Variants in USP50 observed in about 807,000 individuals in gnomAD.
USP50 encodes the protein ubiquitin specific peptidase 50, also known as ubiquitin carboxyl-terminal hydrolase 50.
In USP50, 37 loss-of-function variants were observed where a neutral mutation model predicts 39.2. The observed-to-expected ratio is 0.94, with a 90% CI of 0.73 to 1.24. The LOEUF (loss-of-function observed/expected upper bound fraction) is 1.24, where lower values mean the gene tolerates loss of function less well. USP50 is among the 50% of genes most tolerant of loss of function. USP50 has a pLI of 0.00. For synonymous variants in USP50, 139 were observed against 144.5 expected (o/e 0.96, Z 0.27); for missense variants, 374 against 398.2 (o/e 0.94, Z 0.52).
chr15:50,515,620 C>T (rs2052796024), intron 6 of USP50, among the ~76,000 whole-genome samples: 1 of 149,106 alleles, frequency 6.7e-6, no homozygotes, highest in South Asian at 2.1e-4. Context: ...GTTACTTTCT[C>T]AATTGTGATA....
At chr15:50,542,898 G>C (rs929359477) in intron 3 of USP50, among the ~76,000 whole-genome samples, 1 of 152,156 alleles carries the variant, frequency 6.6e-6, no homozygotes. Flanking sequence ...CTGGGTATTA[G>C]AGGTGCAGTG....
At chr15:50,493,971 G>T (rs372285761), downstream of USP50, 2 of 1,303,800 alleles carry the variant, frequency 1.5e-6, no homozygotes, top group African/African-American at 2.9e-5. Context: ...TAGTGCTACA[G>T]TATGTGAATA....
chr15:50,525,566 A>G (rs867090494), intron 6 of USP50, among the ~76,000 whole-genome samples: 33,646 of 122,032 alleles, frequency 0.28, 5,835 homozygotes, highest in East Asian at 0.54. Flanking sequence ...GTATATATGT[A>G]TATATGTATA....
downstream of USP50, chr15:50,499,140 T>C (rs1304362261): frequency 6.7e-7 from 1 of 1,498,580 alleles, no homozygotes; most frequent in Non-Finnish European, 8.9e-7. Flanking sequence ...GCAACACAAC[T>C]CTTGAAATGC....
chr15:50,534,801 G>T (rs2052966898), intron 5 of USP50, among the ~76,000 whole-genome samples: 1 of 152,104 alleles, frequency 6.6e-6, no homozygotes, highest in South Asian at 2.1e-4. Flanking sequence ...AGAAGACATA[G>T]AAATTATTAA....
intron 5 of USP50, among the ~76,000 whole-genome samples, chr15:50,536,133 A>G (rs1370717842): frequency 6.6e-6 from 1 of 152,214 alleles, no homozygotes; most frequent in African/African-American, 2.4e-5. Flanking sequence ...AGCTAATGCA[A>G]TAAGAAAGAC....
intron 6 of USP50, among the ~76,000 whole-genome samples, chr15:50,528,835 T>G (rs1032098280): frequency 6.6e-6 from 1 of 152,156 alleles, no homozygotes; most frequent in Non-Finnish European, 1.5e-5. Flanking sequence ...AAGAGGCAAA[T>G]TAGACTTCGG....
chr15:50,524,518 TCAA>T (rs763969709), intron 6 of USP50, among the ~76,000 whole-genome samples: 46 of 152,324 alleles, frequency 3.0e-4, no homozygotes, highest in Admixed American at 1.4e-3. Flanking sequence ...ACAAAAATGT[TCAA>T]CATCATTAAG....
intron 6 of USP50, among the ~76,000 whole-genome samples, chr15:50,525,836 A>C (rs1187623076): frequency 6.6e-6 from 1 of 151,500 alleles, no homozygotes; most frequent in Non-Finnish European, 1.5e-5. Flanking sequence ...TAATGTATTG[A>C]TGGATTAATA....
chr15:50,498,779 A>G (rs369128236), downstream of USP50: 6 of 1,566,756 alleles, frequency 3.8e-6, no homozygotes, highest in African/African-American at 6.8e-5. Context: ...AAGTTTAAAA[A>G]AAGTTTTAAG....
rs57450027 is a variant in USP50 at position 50,523,175 on chromosome 15, C to CTTTTTTTTTT, written c.936+6612_936+6621dup. On this transcript the variant is annotated intron_variant, in intron 6 of 6. Coordinates refer to ENST00000532404, the MANE Select transcript of USP50 (RefSeq NM_203494.5). ...AAAATCAACATATAAAAATCAGTAGCTTTTTTTTTTTTTTTTTTGGTGAGA... is the reference window on the plus strand; with the variant it reads ...AAAATCAACATATAAAAATCAGTAGCTTTTTTTTTTTTTTTTTTTTTTTTTTTTGGTGAGA... 4.1e-3 allele frequency among the ~76,000 whole-genome samples: 432 copies of CTTTTTTTTTT among 104,182 alleles called. 38 individuals carry two copies. Among genetic ancestry groups the CTTTTTTTTTT allele is most frequent in the African/African-American group, 0.014 (367 of 26,956 alleles). 68.3% of individuals were successfully genotyped at this position (104,182 alleles called of 152,430 possible). A position where few individuals can be genotyped will look rare whatever the true frequency, so the allele number is the denominator to read the frequency against.
intron 5 of USP50, chr15:50,532,142 C>T (rs961290585): frequency 8.8e-6 from 4 of 456,300 alleles, no homozygotes; most frequent in Non-Finnish European, 1.8e-5. Flanking sequence ...AATCCAGTCA[C>T]AGGGGGACCA....
rs559577672 is a variant in USP50, at chr15:50,541,142, G to A, written c.567C>T (p.Ile189=). ...QLFEEQLNYS[I]VCLKCEKCTY... is the part of the protein sequence containing the mutation. The stretch of plus-strand genomic sequence containing the variant: ...TGCATTTCTCACACTTTAAACATAC[G>A]ATGCTATAATTGAGCTGCTCTTCAA... Residue 189 remains isoleucine (I), a synonymous_variant, in exon 4 of 7, where the codon ATC becomes ATT. Coordinates refer to ENST00000532404, the MANE Select transcript of USP50 (RefSeq NM_203494.5). 3.7e-6 allele frequency: 6 copies of A among 1,613,834 alleles called. No individual in the cohort carries two copies. The African/African-American group carries it at 4.0e-5, about 11-fold the overall frequency.
chr15:50,505,192 A>G (rs1239867294), intron 6 of USP50: 4 of 152,158 alleles, frequency 2.6e-5, no homozygotes, highest in Non-Finnish European at 4.4e-5. Context: ...TGAGACATGA[A>G]TCTTCACATT....
At chr15:50,515,920 C>A (rs2052800050) in intron 6 of USP50, among the ~76,000 whole-genome samples, 1 of 152,050 alleles carries the variant, frequency 6.6e-6, no homozygotes. Flanking sequence ...GATACTTACA[C>A]AATGGATTAA....
intron 6 of USP50, chr15:50,504,603 G>A (rs1334821950): frequency 6.6e-6 from 1 of 152,100 alleles, no homozygotes; most frequent in African/African-American, 2.4e-5. Context: ...GATAGTCAAA[G>A]GGATCCTGGA....
intron 1 of USP50, 74 bp downstream of exon 1, chr15:50,546,399 G>T: frequency 1.3e-6 from 2 of 1,515,056 alleles, no homozygotes; most frequent in Non-Finnish European, 1.8e-6. Context: ...TGCAGTGTGT[G>T]TCCCCTGACT....
chr15:50,531,164 T>C (rs1283412218), intron 5 of USP50, among the ~76,000 whole-genome samples: 1 of 152,162 alleles, frequency 6.6e-6, no homozygotes, highest in East Asian at 1.9e-4. Context: ...AGATACCCTG[T>C]TTTCAAAAAA....
At chr15:50,529,681 T>C in intron 6 of USP50, 116 bp downstream of exon 6, 1 of 1,172,566 alleles carries the variant, frequency 8.5e-7, no homozygotes, top group Non-Finnish European at 1.2e-6. Context: ...TCCTGGTCTA[T>C]ATTTTTTAAA....
Sources: gnomAD v4.1 joint callset for allele counts (sites outside exome capture counted in the v4.1 genomes callset) on GRCh38, gnomAD v4.1.1 for gene constraint, MANE v1.5 for transcripts, NCBI Gene and HGNC (gene_info 2026-07-23, HGNC 2026-07-21) for gene names.